MIS18A: variants seen among roughly 807,000 people sequenced by gnomAD.
The protein encoded by MIS18A is protein Mis18-alpha.
Under a neutral mutation model 25.0 loss-of-function variants are expected in MIS18A, and 14 were observed. The observed-to-expected ratio is 0.56, with a 90% CI of 0.37 to 0.88. MIS18A has a LOEUF of 0.88. MIS18A is among the 40% of genes least tolerant of loss of function. The probability of loss-of-function intolerance (pLI) is 0.00; values close to 1 mark genes in which losing one functional copy is unlikely to be tolerated. For missense variants in MIS18A, 292 were observed against 290.8 expected, an observed-to-expected ratio of 1.00 and a Z score of -0.03; for synonymous variants, 134 against 118.6, an observed-to-expected ratio of 1.13 and a Z score of -0.84.
chr21:32,163,597 C>T, the MIS18A span, among the ~76,000 whole-genome samples: 4 of 152,174 alleles, frequency 2.6e-5, no homozygotes, highest in African/African-American at 9.7e-5. Flanking sequence ...GAGATCCCCT[C>T]CTACAGGTCA....
the MIS18A span, among the ~76,000 whole-genome samples, chr21:32,229,291 T>C: frequency 6.6e-6 from 1 of 152,184 alleles, no homozygotes; most frequent in South Asian, 2.1e-4. Context: ...TGTCTAAAGT[T>C]CAGTTAGATG....
chr21:32,218,096 G>A, the MIS18A span, among the ~76,000 whole-genome samples: 4 of 150,212 alleles, frequency 2.7e-5, no homozygotes, highest in African/African-American at 9.9e-5. Context: ...GGGAGGCTGA[G>A]GCAGGAAAAT....
At chr21:32,234,547 C>T in the MIS18A span, among the ~76,000 whole-genome samples, 1 of 152,152 alleles carries the variant, frequency 6.6e-6, no homozygotes, top group East Asian at 1.9e-4. Context: ...GGATGTTTGT[C>T]CCCTCCAAAT....
At chr21:32,186,098 C>T in the MIS18A span, among the ~76,000 whole-genome samples, 1 of 152,168 alleles carries the variant, frequency 6.6e-6, no homozygotes, top group Non-Finnish European at 1.5e-5. Context: ...CTCATCTCAG[C>T]CCTAGACAAT....
the MIS18A span, among the ~76,000 whole-genome samples, chr21:32,221,569 C>A: frequency 6.6e-6 from 1 of 151,940 alleles, no homozygotes; most frequent in African/African-American, 2.4e-5. Context: ...GAAACTCCAT[C>A]AACTAATGGG....
the MIS18A span, among the ~76,000 whole-genome samples, chr21:32,242,350 C>T: frequency 6.6e-6 from 1 of 152,190 alleles, no homozygotes; most frequent in African/African-American, 2.4e-5. Context: ...GTTTCCTCAT[C>T]ATATTCTTCT....
At chr21:32,221,001 T>G in the MIS18A span, among the ~76,000 whole-genome samples, 1 of 152,066 alleles carries the variant, frequency 6.6e-6, no homozygotes, top group East Asian at 1.9e-4. Context: ...AAACCTACGT[T>G]TGATTGGTGT....
At chr21:32,266,965 TAAAC>T (rs2031617415), downstream of MIS18A, among the ~76,000 whole-genome samples, 1 of 142,138 alleles carries the variant, frequency 7.0e-6, no homozygotes, top group Admixed American at 7.2e-5. Flanking sequence ...TGGGACAAGT[TAAAC>T]ACACACACAC....
the MIS18A span, among the ~76,000 whole-genome samples, chr21:32,180,794 T>C: frequency 3.3e-5 from 5 of 152,156 alleles, no homozygotes; most frequent in African/African-American, 1.2e-4. Context: ...ACTACTCCCC[T>C]CTGACCTGCT....
At chr21:32,179,993 C>T in the MIS18A span, among the ~76,000 whole-genome samples, 2 of 152,186 alleles carry the variant, frequency 1.3e-5, no homozygotes, top group Non-Finnish European at 2.9e-5. Flanking sequence ...GAATACCGTA[C>T]CAGAGATTCC....
the MIS18A span, among the ~76,000 whole-genome samples, chr21:32,161,011 A>C: frequency 6.6e-6 from 1 of 152,188 alleles, no homozygotes; most frequent in Non-Finnish European, 1.5e-5. Flanking sequence ...GCAGAGGGGT[A>C]ATTTTAAATA....
the MIS18A span, among the ~76,000 whole-genome samples, chr21:32,179,081 C>A: frequency 6.6e-6 from 1 of 151,388 alleles, no homozygotes; most frequent in East Asian, 1.9e-4. Context: ...GTTTTATTTT[C>A]AATACTCTCT....
At chr21:32,269,452 G>A (rs2031672615) in intron 4 of MIS18A, among the ~76,000 whole-genome samples, 1 of 152,170 alleles carries the variant, frequency 6.6e-6, no homozygotes, top group Non-Finnish European at 1.5e-5. Flanking sequence ...TTGAATCAAA[G>A]ATGTATTTCT....
the MIS18A span, among the ~76,000 whole-genome samples, chr21:32,221,218 G>C: frequency 3.3e-5 from 5 of 151,696 alleles, no homozygotes; most frequent in Non-Finnish European, 5.9e-5. Context: ...AAATGTTAAG[G>C]GCAACCAGAA....
the MIS18A span, among the ~76,000 whole-genome samples, chr21:32,194,355 GTAGA>G: frequency 4.2e-4 from 63 of 150,504 alleles, no homozygotes; most frequent in South Asian, 8.4e-4. Context: ...TATATATATA[GTAGA>G]TAGATAGATA....
the MIS18A span, among the ~76,000 whole-genome samples, chr21:32,234,219 T>G: frequency 6.6e-6 from 1 of 152,304 alleles, no homozygotes; most frequent in African/African-American, 2.4e-5. Context: ...AATTATAAGT[T>G]GATCAAAAAG....
At chr21:32,229,884 C>T in the MIS18A span, among the ~76,000 whole-genome samples, 5 of 152,270 alleles carry the variant, frequency 3.3e-5, no homozygotes, top group South Asian at 1.0e-3. Flanking sequence ...TAAAGTTCTG[C>T]TTTCATTCCT....
At chr21:32,270,826 G>A (rs1342112719) in intron 2 of MIS18A, among the ~76,000 whole-genome samples, 2 of 152,174 alleles carry the variant, frequency 1.3e-5, no homozygotes, top group African/African-American at 2.4e-5. Flanking sequence ...ATGTAACAAA[G>A]TGGAGAATAA....
intron 1 of MIS18A, among the ~76,000 whole-genome samples, chr21:32,276,536 C>T (rs567713432): frequency 2.0e-5 from 3 of 147,718 alleles, no homozygotes; most frequent in East Asian, 2.0e-4. Flanking sequence ...GAGATGTGGA[C>T]GTGGGGAGCA....
Sources: allele counts gnomAD v4.1 joint callset (sites outside exome capture counted in the v4.1 genomes callset), GRCh38; gene constraint gnomAD v4.1.1; transcripts MANE v1.5; gene names NCBI Gene and HGNC (gene_info 2026-07-23, HGNC 2026-07-21).